Variants in OXSR1 observed in about 807,000 individuals in gnomAD.
The protein encoded by OXSR1 is serine/threonine-protein kinase OSR1.
A neutral mutation model predicts 79.8 loss-of-function variants in OXSR1; 24 were observed. The ratio of observed to expected loss-of-function variants is 0.30; its 90% CI spans 0.22 to 0.42. OXSR1 has a LOEUF of 0.42. Among genes scored for constraint, OXSR1 ranks in the 10% least tolerant of loss-of-function variants. OXSR1 has a pLI of 1.00. For synonymous variants in OXSR1, 226 were observed against 209.2 expected (o/e 1.08, Z -0.69); for missense variants, 430 against 618.4 (o/e 0.70, Z 3.23).
intron 1 of OXSR1, among the ~76,000 whole-genome samples, chr3:38,179,149 C>A (rs553321387): frequency 9.9e-5 from 15 of 151,518 alleles, no homozygotes; most frequent in Non-Finnish European, 2.1e-4. Flanking sequence ...TCCTACCTCA[C>A]GCTCCCTAGT....
intron 4 of OXSR1, among the ~76,000 whole-genome samples, chr3:38,204,454 C>T (rs1361669648): frequency 2.0e-5 from 3 of 152,080 alleles, no homozygotes; most frequent in Non-Finnish European, 4.4e-5. Context: ...ACACCTGAAG[C>T]CAGCACGTCT....
chr3:38,216,899 T>G (rs1175674739), intron 5 of OXSR1, among the ~76,000 whole-genome samples: 1 of 152,130 alleles, frequency 6.6e-6, no homozygotes, highest in Non-Finnish European at 1.5e-5. Flanking sequence ...AGCTCTAATA[T>G]AAAGGGAAAG....
intron 5 of OXSR1, among the ~76,000 whole-genome samples, chr3:38,219,627 A>G (rs984549991): frequency 6.6e-6 from 1 of 152,174 alleles, no homozygotes; most frequent in Non-Finnish European, 1.5e-5. Context: ...TACCTGCCCA[A>G]GTTCAGCTGA....
intron 8 of OXSR1, among the ~76,000 whole-genome samples, chr3:38,227,179 TAAAAC>T (rs1702706079): frequency 6.6e-6 from 1 of 152,054 alleles, no homozygotes; most frequent in Non-Finnish European, 1.5e-5. Flanking sequence ...GAACAACCAA[TAAAAC>T]AAAAAAGAGA....
chr3:38,247,254 T>C (rs1453699537), intron 13 of OXSR1, among the ~76,000 whole-genome samples: 4 of 152,164 alleles, frequency 2.6e-5, no homozygotes, highest in African/African-American at 9.7e-5. Context: ...GGAACCTATG[T>C]ATGGGTTGGA....
chr3:38,184,428 C>T (rs978668887), intron 2 of OXSR1, among the ~76,000 whole-genome samples: 1 of 152,022 alleles, frequency 6.6e-6, no homozygotes, highest in Admixed American at 6.6e-5. Context: ...CTTTAGAGCA[C>T]CATTTGGACA....
intron 4 of OXSR1, among the ~76,000 whole-genome samples, chr3:38,201,564 G>C (rs1293733349): frequency 1.3e-5 from 2 of 152,140 alleles, no homozygotes; most frequent in East Asian, 3.9e-4. Context: ...CAAAAAATTA[G>C]CTGGGTGTGG....
chr3:38,236,885 A>G lies in OXSR1; in HGVS notation c.998A>G (p.Asp333Gly), dbSNP rs1252616587. Residue 333 changes from aspartate (D) to glycine (G), a missense_variant, in exon 11 of 18, where the codon GAT becomes GGT. Physicochemically the swap from Asp to Gly is moderately conservative, Grantham distance 94 (BLOSUM62 -1). Transcript: ENST00000311806. ...AGTGGGCGTCTTCATAAGACAGAGG[A>G]TGGAGGCTGGGAGTGGAGTGATGAT... Reference protein sequence around the residue: ...GSSGRLHKTEDGGWEWSDDEF... With the variant: ...GSSGRLHKTEGGGWEWSDDEF... The G allele has an allele frequency of 3.1e-6, 5 of 1,612,854 alleles. No homozygotes were observed. The highest frequency in any genetic ancestry group is 4.2e-6 in the Non-Finnish European group (5 of 1,179,128).
At chr3:38,195,809 T>G (rs1474991357) in intron 3 of OXSR1, among the ~76,000 whole-genome samples, 1 of 152,256 alleles carries the variant, frequency 6.6e-6, no homozygotes, top group Non-Finnish European at 1.5e-5. Context: ...TTTTTAAATG[T>G]TCCATGCCAC....
intron 1 of OXSR1, among the ~76,000 whole-genome samples, chr3:38,171,544 A>T (rs1701581895): frequency 6.6e-6 from 1 of 152,192 alleles, no homozygotes; most frequent in African/African-American, 2.4e-5. Flanking sequence ...TCAGCAGTAT[A>T]CTATTTATGG....
At chr3:38,240,372 G>A (rs958506738) in intron 11 of OXSR1, among the ~76,000 whole-genome samples, 2 of 152,154 alleles carry the variant, frequency 1.3e-5, no homozygotes, top group Non-Finnish European at 2.9e-5. Context: ...AGGGCAAAGT[G>A]AGAAAGAATC....
chr3:38,165,468 G>A (rs35289168), upstream of OXSR1: 443 of 196,180 alleles, frequency 2.3e-3, 4 homozygotes, highest in African/African-American at 0.01. Context: ...CGGGCCCGAG[G>A]TGGGGCGTGA....
intron 11 of OXSR1, among the ~76,000 whole-genome samples, chr3:38,238,154 T>C (rs1032640023): frequency 4.6e-5 from 7 of 152,180 alleles, no homozygotes; most frequent in Admixed American, 1.3e-4. Flanking sequence ...CAGAAACTTA[T>C]ATACTTTGGC....
chr3:38,168,509 C>A (rs2125797917), intron 1 of OXSR1, among the ~76,000 whole-genome samples: 1 of 152,148 alleles, frequency 6.6e-6, no homozygotes, highest in Non-Finnish European at 1.5e-5. Context: ...TTTAAAAAAA[C>A]AATTTTGAGA....
chr3:38,182,789 T>TA (rs1379690187), intron 1 of OXSR1, among the ~76,000 whole-genome samples: 1 of 152,212 alleles, frequency 6.6e-6, no homozygotes, highest in African/African-American at 2.4e-5. Flanking sequence ...ACTAGCAGTT[T>TA]AGATATTTTT....
Position 38,253,896 on chromosome 3 carries a change from G to T in OXSR1, c.*1005G>T. On this transcript the variant is annotated 3_prime_UTR_variant, in exon 18 of 18. Transcript: ENST00000311806. ...GCTCTCCTGCACTGACCCTTTGGAG[G>T]GGGTCTCTGTGTGCTGAAGCTAACT... is the stretch of plus-strand genomic sequence containing the variant. 1 of 285,566 alleles carries T rather than the reference G, an allele frequency of 3.5e-6. No homozygotes were observed. The highest frequency in any genetic ancestry group is 6.5e-6 in the Non-Finnish European group (1 of 154,828). 17.7% of individuals were successfully genotyped at this position (285,566 alleles called of 1,614,324 possible). A position where few individuals can be genotyped will look rare whatever the true frequency, so the allele number is the denominator to read the frequency against.
chr3:38,216,046 T>C lies in OXSR1; in HGVS notation c.435-50T>C, dbSNP rs769937740. The C allele has an allele frequency of 4.4e-6, 5 of 1,137,520 alleles. No individual in the cohort carries two copies. In the African/African-American group the frequency reaches 6.3e-5, roughly 14 times the overall value. The allele number at this position is 1,137,520 out of a possible 1,614,324, so 70.5% of individuals were successfully genotyped here. On this transcript the variant is annotated intron_variant, in intron 4 of 17. Transcript: ENST00000311806. ...TAAACAATTGCTTAAATTATGTTACTCCAAAGAATAGATGTTTTTTGATAC... is the reference window on the plus strand; with the variant it reads ...TAAACAATTGCTTAAATTATGTTACCCCAAAGAATAGATGTTTTTTGATAC...
In OXSR1 at chr3:38,190,746, A is replaced by G. The variant is rs1575321483; in HGVS notation, c.199A>G (p.Met67Val). ...MDELLKEIQA[M>V]SQCHHPNIVS... ...TTCTTTGTAGAAAGAAATTCAAGCC[A>G]TGAGTCAATGCCATCATCCTAATAT... The change falls in exon 3 of 18, where the codon ATG becomes GTG. Residue 67 changes from methionine (M) to valine (V), a missense_variant. By Grantham distance (21) the Met-to-Val change is conservative (BLOSUM62 1). This residue lies in a region of OXSR1 where 145 missense variants were observed against 228.3 expected (regional missense o/e 0.64). Transcript: ENST00000311806. 8 of 1,579,780 alleles carry G rather than the reference A, an allele frequency of 5.1e-6. No individual in the cohort carries two copies. The highest frequency in any genetic ancestry group is 7.0e-6 in the Non-Finnish European group (8 of 1,149,078).
intron 4 of OXSR1, among the ~76,000 whole-genome samples, chr3:38,211,763 T>C (rs1479513100): frequency 1.3e-5 from 2 of 152,224 alleles, no homozygotes; most frequent in African/African-American, 4.8e-5. Context: ...TCTTCTTACC[T>C]ACTGCTCTGC....
Sources: allele counts gnomAD v4.1 joint callset (sites outside exome capture counted in the v4.1 genomes callset), GRCh38; gene constraint gnomAD v4.1.1; regional missense constraint gnomAD v4.1.1; transcripts MANE v1.5; gene names NCBI Gene and HGNC (gene_info 2026-07-23, HGNC 2026-07-21).